FAM83H: variants seen among roughly 807,000 people sequenced by gnomAD.
The protein encoded by FAM83H is scaffolding CK1 anchoring protein H, also known as protein FAM83H.
FAM83H carries 24 observed loss-of-function variants against 30.2 expected under a neutral mutation model. The ratio of observed to expected loss-of-function variants is 0.79; its 90% CI spans 0.57 to 1.12. The LOEUF is 1.12. FAM83H is among the 50% of genes most tolerant of loss of function. FAM83H has a pLI of 0.00. For missense variants in FAM83H, 2,038 were observed against 1,773.9 expected, an observed-to-expected ratio of 1.15 and a Z score of -2.67; for synonymous variants, 1,013 against 821.7, an observed-to-expected ratio of 1.23 and a Z score of -3.98.
At position 143,728,525 on chromosome 8, in the gene FAM83H, A is replaced by C; in HGVS notation, c.936T>G (p.Pro312=). The part of the protein sequence containing the change: ...YAGAGPLVGV[P]GVGAPTPFSF... ...AGAAGGGGGTTGGCGCCCCGACCCCAGGGACGCCCACGAGAGGCCCGGCCC... is the reference window on the plus strand; with the variant it reads ...AGAAGGGGGTTGGCGCCCCGACCCCCGGGACGCCCACGAGAGGCCCGGCCC... Residue 312 remains proline (P), a synonymous_variant, in exon 5 of 5, where the codon CCT becomes CCG. Transcript: ENST00000388913. 6.4e-7 allele frequency: 1 copy of C among 1,563,538 alleles called. No homozygotes were observed. The highest frequency in any genetic ancestry group is 8.7e-7 in the Non-Finnish European group (1 of 1,154,392).
In FAM83H at chr8:143,725,296, G is replaced by C. The variant is rs1554621262; in HGVS notation, c.*625C>G. On this transcript the variant is annotated 3_prime_UTR_variant, in exon 5 of 5. Coordinates refer to ENST00000388913, the MANE Select transcript of FAM83H (RefSeq NM_198488.5). ...ATTGAGGCACAGAGGCGAGACCCTT[G>C]CAAGAGGATAGGGGACTTAGCGGGG... 6.5e-6 allele frequency: 1 copy of C among 154,770 alleles called. No individual in the cohort carries two copies. Among genetic ancestry groups the C allele is most frequent in the African/African-American group, 2.4e-5 (1 of 41,374 alleles). The allele number at this position is 154,770 out of a possible 1,614,324, so 9.6% of individuals were successfully genotyped here. A position where few individuals can be genotyped will look rare whatever the true frequency, so the allele number is the denominator to read the frequency against.
Position 143,726,131 on chromosome 8 carries a change from T to G in FAM83H, c.3330A>C (p.Pro1110=). The G allele has an allele frequency of 6.2e-7, 1 of 1,611,536 alleles. No individual in the cohort carries two copies. Residue 1110 remains proline, a synonymous_variant, in exon 5 of 5, where the codon CCA becomes CCC. Coordinates refer to ENST00000388913, the MANE Select transcript of FAM83H (RefSeq NM_198488.5). The stretch of plus-strand genomic sequence containing the variant: ...GCCGATCGCGCTCCTCCGCGCTGGC[T>G]GGCAGCGTGCGGCTCAGCCGGCCCT... The part of the protein sequence containing the change: ...GTQGRLSRTL[P]ASAEERDRLL...
Position 143,727,344 on chromosome 8 carries a change from A to C in FAM83H, c.2117T>G (p.Val706Gly), listed in dbSNP as rs559496244. The change falls in exon 5 of 5, where the codon GTG (valine) becomes GGG (glycine). Residue 706 changes from valine to glycine, a missense_variant. Val to Gly is a moderately radical substitution (Grantham distance 109, BLOSUM62 -3). Coordinates refer to ENST00000388913, the MANE Select transcript of FAM83H (RefSeq NM_198488.5). ...CGTCTGCTCCTTGTGCAGCAGCTGCACCTTCTCAGTGGCCGCCGCAGCCCC... is the reference window on the plus strand; with the variant it reads ...CGTCTGCTCCTTGTGCAGCAGCTGCCCCTTCTCAGTGGCCGCCGCAGCCCC... The part of the protein sequence containing the change: ...AAGAAAATEK[V>G]QLLHKEQTVS... The C allele has an allele frequency of 1.5e-4, 236 of 1,565,308 alleles. No individual in the cohort carries two copies. The highest frequency in any genetic ancestry group is 2.0e-4 in the Admixed American group (11 of 55,078).
Position 143,730,511 on chromosome 8 carries a change from G to A in FAM83H, c.72C>T (p.Tyr24=). The A allele has an allele frequency of 6.3e-7, 1 of 1,590,244 alleles. No individual in the cohort carries two copies. Among genetic ancestry groups the A allele is most frequent in the Non-Finnish European group, 8.6e-7 (1 of 1,165,400 alleles). Residue 24 remains tyrosine, a synonymous_variant, in exon 2 of 5, where the codon TAC becomes TAT. Transcript: ENST00000388913. ...CCACCGCCAGGCGGTAGTACTCTTT[G>A]TAGTGAGGCGGCAGGTACCCGGGTG... ...PLAPGYLPPH[Y]KEYYRLAVDA...
At position 143,726,123 on chromosome 8, in the gene FAM83H, G is replaced by A. The variant is rs76489557; in HGVS notation, c.3338C>T (p.Ala1113Val). ...GRLSRTLPAS[A>V]EERDRLLRRM... Reference sequence around the variant, plus strand: ...GCGCAGCAGCCGATCGCGCTCCTCCGCGCTGGCTGGCAGCGTGCGGCTCAG... The same window carrying A: ...GCGCAGCAGCCGATCGCGCTCCTCCACGCTGGCTGGCAGCGTGCGGCTCAG... The change falls in exon 5 of 5, where the codon GCG becomes GTG. Residue 1113 changes from alanine to valine, a missense_variant. By Grantham distance (64) the Ala-to-Val change is moderately conservative. Coordinates refer to ENST00000388913, the MANE Select transcript of FAM83H (RefSeq NM_198488.5). 2,242 of 1,611,394 alleles carry A rather than the reference G, an allele frequency of 1.4e-3. 32 individuals carry two copies. In the African/African-American group the frequency reaches 0.025, roughly 18 times the overall value.
Position 143,733,524 on chromosome 8 carries a change from A to C in FAM83H, c.-16+167T>G, listed in dbSNP as rs1818608359. ...CGCCCCCTGTCCGAGCAGCCCCGCCACCCCGGCCCCGCGCACGCGGCCGCG... is the reference window on the plus strand; with the variant it reads ...CGCCCCCTGTCCGAGCAGCCCCGCCCCCCCGGCCCCGCGCACGCGGCCGCG... On this transcript the variant is annotated intron_variant, in intron 1 of 4. Coordinates refer to ENST00000388913, the MANE Select transcript of FAM83H (RefSeq NM_198488.5). This position sits in a 1 kb window ranked among gnomAD's most constrained non-coding sequence, Gnocchi z 5.6. 6.7e-6 allele frequency among the ~76,000 whole-genome samples: 1 copy of C among 150,186 alleles called. No homozygotes were observed. The highest frequency in any genetic ancestry group is 1.5e-5 in the Non-Finnish European group (1 of 67,504).
chr8:143,733,427 G>T lies in FAM83H; in HGVS notation c.-16+264C>A, dbSNP rs1207763399. Among the ~76,000 whole-genome samples, 1 of 152,154 alleles carries T rather than the reference G, an allele frequency of 6.6e-6. No homozygotes were observed. Among genetic ancestry groups the T allele is most frequent in the African/African-American group, 2.4e-5 (1 of 41,450 alleles). On this transcript the variant is annotated intron_variant, in intron 1 of 4. Coordinates refer to ENST00000388913, the MANE Select transcript of FAM83H (RefSeq NM_198488.5). The surrounding 1 kb of genome is among the most constrained non-coding windows in gnomAD (Gnocchi z 5.6). ...GCCGGGCAGGCTCGACCCGGATCCCGGGCCCCTTCCCCCTCGGCTCTTTTC... is the reference window on the plus strand; with the variant it reads ...GCCGGGCAGGCTCGACCCGGATCCCTGGCCCCTTCCCCCTCGGCTCTTTTC...
chr8:143,729,453 G>A, intron 2 of FAM83H, 130 bp from the exon 3 acceptor site: 3 of 1,024,502 alleles, frequency 2.9e-6, no homozygotes, highest in Non-Finnish European at 4.4e-6. Context: ...TCCATCCTAG[G>A]GAGTTGGCGC....
chr8:143,727,097 G>A lies in FAM83H; in HGVS notation c.2364C>T (p.Ser788=), dbSNP rs782058607. 3.0e-5 allele frequency: 46 copies of A among 1,539,154 alleles called. No individual in the cohort carries two copies. In the South Asian group the frequency reaches 4.6e-4, roughly 15 times the overall value. The stretch of plus-strand genomic sequence containing the variant: ...AGGAGTCGCGCAGGTCCAGCAGGCA[G>A]CTCTCGAGGCTGCGGCGCTCGCCCC... The part of the protein sequence containing the change: ...AVGGERRSLE[S]CLLDLRDSFA... Residue 788 remains serine, a synonymous_variant, in exon 5 of 5, where the codon AGC becomes AGT. Transcript: ENST00000388913.
rs1554623411 is a variant in FAM83H at position 143,728,458 on chromosome 8, C to G, written c.1003G>C (p.Glu335Gln). The G allele has an allele frequency of 1.9e-6, 3 of 1,551,796 alleles. No individual in the cohort carries two copies. Among genetic ancestry groups the G allele is most frequent in the African/African-American group, 2.7e-5 (2 of 73,250 alleles). ...AAGGAGGGGAAGCCCAGGCCCTCTT[C>G]CCGGGGTGGCGGGAACAGGAGGTGC... Reference protein sequence around the residue: ...RAHLLFPPPREEGLGFPSFLD... With the variant: ...RAHLLFPPPRQEGLGFPSFLD... The change falls in exon 5 of 5, where the codon GAA (glutamate) becomes CAA (glutamine). Residue 335 changes from glutamate to glutamine, a missense_variant. Coordinates refer to ENST00000388913, the MANE Select transcript of FAM83H (RefSeq NM_198488.5).
Position 143,728,171 on chromosome 8 carries a change from C to T in FAM83H, c.1290G>A (p.Ser430=), listed in dbSNP as rs550491841. The T allele has an allele frequency of 1.2e-5, 19 of 1,606,768 alleles. No individual in the cohort carries two copies. In the East Asian group the frequency reaches 3.6e-4, roughly 30 times the overall value. The change falls in exon 5 of 5, where the codon TCG becomes TCA. Residue 430 remains serine, a synonymous_variant. Coordinates refer to ENST00000388913, the MANE Select transcript of FAM83H (RefSeq NM_198488.5). The stretch of plus-strand genomic sequence containing the variant: ...CGCCGTGGCTGAGGAACGTCTGCCG[C>T]GACACCTGCCGCGCGGCCGCGAAGT... ...VENFAAARQV[S]RQTFLSHGDD... is the part of the protein sequence containing the mutation.
rs1554621028 is a variant in FAM83H, at chr8:143,724,868, T to G, written c.*1053A>C. The G allele has an allele frequency of 6.6e-6, 1 of 152,620 alleles. No individual in the cohort carries two copies. The highest frequency in any genetic ancestry group is 1.5e-5 in the Non-Finnish European group (1 of 68,354). 9.5% of individuals were successfully genotyped at this position (152,620 alleles called of 1,614,324 possible). On this transcript the variant is annotated 3_prime_UTR_variant, in exon 5 of 5. Coordinates refer to ENST00000388913, the MANE Select transcript of FAM83H (RefSeq NM_198488.5). ...CCCCCTCCCCACTCTCACCCAGTGC[T>G]GGCCAGAGCCTCGCTGGAGGAGATG...
chr8:143,732,559 G>A (rs1004580164), intron 1 of FAM83H: 1 of 985,296 alleles, frequency 1.0e-6, no homozygotes, highest in Admixed American at 6.1e-5. Context: ...CAGGCTCCAG[G>A]CTGTGTGTAA....
chr8:143,725,774 G>C lies in FAM83H; in HGVS notation c.*147C>G, dbSNP rs941929224. The C allele has an allele frequency of 7.1e-7, 1 of 1,399,506 alleles. No homozygotes were observed. Among genetic ancestry groups the C allele is most frequent in the African/African-American group, 1.4e-5 (1 of 69,322 alleles). The allele number at this position is 1,399,506 out of a possible 1,614,324, so 86.7% of individuals were successfully genotyped here. Reference sequence around the variant, plus strand: ...CCAGGTGAGCCTCCAGTGGAGCCGAGGTCTGGCGCACTCAGCCAAGCCCCA... The same window carrying C: ...CCAGGTGAGCCTCCAGTGGAGCCGACGTCTGGCGCACTCAGCCAAGCCCCA... On this transcript the variant is annotated 3_prime_UTR_variant, in exon 5 of 5. Coordinates refer to ENST00000388913, the MANE Select transcript of FAM83H (RefSeq NM_198488.5).
In FAM83H at chr8:143,726,023, G is replaced by T. The variant is rs782422493; in HGVS notation, c.3438C>A (p.Ser1146Arg). 10 of 1,612,908 alleles carry T rather than the reference G, an allele frequency of 6.2e-6. No individual in the cohort carries two copies. The highest frequency in any genetic ancestry group is 3.3e-4 in the Middle Eastern group (2 of 6,054). The part of the protein sequence containing the change: ...FEVFCKKEEA[S>R]SPGAGEGPAE... ...CGGGGCCTTCCCCTGCCCCAGGGCT[G>T]CTGGCCTCCTCTTTCTTGCAGAAGA... The change falls in exon 5 of 5, where the codon AGC (serine) becomes AGA (arginine). Residue 1146 changes from serine (S) to arginine (R), a missense_variant. By Grantham distance (110) the Ser-to-Arg change is moderately radical. Transcript: ENST00000388913.
At position 143,730,366 on chromosome 8, in the gene FAM83H, A is replaced by G; in HGVS notation, c.217T>C (p.Tyr73His). ...HVSRHLRPPQ[Y>H]VTREPPEGSL... ...CCTTCAGGTGGCTCTCGGGTAACAT[A>G]CTGCGGAGGCCGAAGGTGTCGGCTC... The change falls in exon 2 of 5, where the codon TAT becomes CAT. Residue 73 changes from tyrosine to histidine, a missense_variant. Coordinates refer to ENST00000388913, the MANE Select transcript of FAM83H (RefSeq NM_198488.5). 1 of 1,613,672 alleles carries G rather than the reference A, an allele frequency of 6.2e-7. No homozygotes were observed. The highest frequency in any genetic ancestry group is 8.5e-7 in the Non-Finnish European group (1 of 1,180,036).
Position 143,728,024 on chromosome 8 carries a change from G to A in FAM83H, c.1437C>T (p.Gly479=), listed in dbSNP as rs782354163. Residue 479 remains glycine, a synonymous_variant, in exon 5 of 5, where the codon GGC becomes GGT. Coordinates refer to ENST00000388913, the MANE Select transcript of FAM83H (RefSeq NM_198488.5). ...PQGLFEKLRG[G]RAGFADPDDF... ...CATCCGGGTCCGCGAAACCCGCGCG[G>A]CCCCCGCGAAGCTTCTCGAACAGGC... The A allele has an allele frequency of 3.1e-6, 5 of 1,603,998 alleles. No individual in the cohort carries two copies. The highest frequency in any genetic ancestry group is 1.1e-5 in the South Asian group (1 of 90,572).
In FAM83H at chr8:143,726,244, G is replaced by A. The variant is rs1436280653; in HGVS notation, c.3217C>T (p.Arg1073Cys). The A allele has an allele frequency of 4.3e-6, 7 of 1,612,210 alleles. No homozygotes were observed. The highest frequency in any genetic ancestry group is 3.3e-5 in the South Asian group (3 of 91,066). The change falls in exon 5 of 5, where the codon CGT becomes TGT. Residue 1073 changes from arginine to cysteine, a missense_variant. Coordinates refer to ENST00000388913, the MANE Select transcript of FAM83H (RefSeq NM_198488.5). ...GCCAGGACGCCAGCAGCCGGTGGAC[G>A]GCCTAGCTCGGGGCTGTTGTGGGTC... ...GPTHNSPELG[R>C]PPAAGVLAPD...
At position 143,730,606 on chromosome 8, in the gene FAM83H, G is replaced by T. The variant is rs1554624272; in HGVS notation, c.-15-9C>A. 1 of 1,515,106 alleles carries T rather than the reference G, an allele frequency of 6.6e-7. No individual in the cohort carries two copies. Among genetic ancestry groups the T allele is most frequent in the Admixed American group, 2.0e-5 (1 of 49,902 alleles). The allele number at this position is 1,515,106 out of a possible 1,614,324, so 93.9% of individuals were successfully genotyped here. A position where few individuals can be genotyped will look rare whatever the true frequency, so the allele number is the denominator to read the frequency against. On this transcript the variant is annotated splice_polypyrimidine_tract_variant and intron_variant, in intron 1 of 4. Coordinates refer to ENST00000388913, the MANE Select transcript of FAM83H (RefSeq NM_198488.5). ...ATGTTGGGGCCAGGGGCCTGGAGGG[G>T]CAGGGAGACACATGACTAGGGGTGG... is the stretch of plus-strand genomic sequence containing the variant.
Sources: allele counts gnomAD v4.1 joint callset (sites outside exome capture counted in the v4.1 genomes callset), GRCh38; gene constraint gnomAD v4.1.1; non-coding constraint Gnocchi (gnomAD v3.1); transcripts MANE v1.5; gene names NCBI Gene and HGNC (gene_info 2026-07-23, HGNC 2026-07-21).